Variants in LYSMD2 observed in about 807,000 individuals in gnomAD.
LYSMD2 encodes the protein lysM and putative peptidoglycan-binding domain-containing protein 2.
In LYSMD2, 6 loss-of-function variants were observed where a neutral mutation model predicts 17.7. The ratio of observed to expected loss-of-function variants is 0.34; its 90% CI spans 0.19 to 0.67. The LOEUF (loss-of-function observed/expected upper bound fraction) is 0.67. Among genes scored for constraint, LYSMD2 ranks in the 30% least tolerant of loss-of-function variants. LYSMD2 has a pLI of 0.69. For synonymous variants in LYSMD2, 102 were observed against 129.8 expected, an observed-to-expected ratio of 0.79 and a Z score of 1.45; for missense variants, 237 against 286.7, an observed-to-expected ratio of 0.83 and a Z score of 1.25.
At position 51,737,047 on chromosome 15, in the gene LYSMD2, G is replaced by C. The variant is rs1056501219; in HGVS notation, c.273+303C>G. ...CCTAGTCCTCTTCGGCCTCCCTCAC[G>C]CGACAGATCTAGTCTGAGCCTGGGC... On this transcript the variant is annotated intron_variant, in intron 1 of 2. Coordinates refer to ENST00000267838, the MANE Select transcript of LYSMD2 (RefSeq NM_153374.3). The surrounding 1 kb of genome is among the most constrained non-coding windows in gnomAD (Gnocchi z 4.2). Among the ~76,000 whole-genome samples the C allele has an allele frequency of 2.0e-5, 3 of 152,182 alleles. No individual in the cohort carries two copies. The highest frequency in any genetic ancestry group is 4.4e-5 in the Non-Finnish European group (3 of 68,020).
At chr15:51,736,839 C>T (rs1038285169) in intron 1 of LYSMD2, among the ~76,000 whole-genome samples, 1 of 152,224 alleles carries the variant, frequency 6.6e-6, no homozygotes, top group East Asian at 1.9e-4. Flanking sequence ...TTCACTTCTA[C>T]ATAAAGAAGC....
intron 1 of LYSMD2, among the ~76,000 whole-genome samples, chr15:51,749,678 T>C (rs2055686856): frequency 6.6e-6 from 1 of 152,368 alleles, no homozygotes; most frequent in South Asian, 2.1e-4. Flanking sequence ...ATATGCCTAC[T>C]ATCAGCTTTC....
At chr15:51,728,375 C>T (rs1327887369) in intron 1 of LYSMD2, among the ~76,000 whole-genome samples, 1 of 148,560 alleles carries the variant, frequency 6.7e-6, no homozygotes, top group African/African-American at 2.5e-5. Flanking sequence ...GCCGAGATCA[C>T]AACATTGTAC....
chr15:51,731,641 G>T (rs1332031654), intron 1 of LYSMD2, among the ~76,000 whole-genome samples: 1 of 152,172 alleles, frequency 6.6e-6, no homozygotes, highest in Non-Finnish European at 1.5e-5. Flanking sequence ...CAGGCAAGCT[G>T]CCTGGAGGAA....
chr15:51,748,948 C>A (rs1474428269), intron 1 of LYSMD2, among the ~76,000 whole-genome samples: 1 of 152,218 alleles, frequency 6.6e-6, no homozygotes, highest in Non-Finnish European at 1.5e-5. Context: ...TAAAATACTT[C>A]ATTATAACTG....
chr15:51,723,259 G>T lies in LYSMD2; in HGVS notation c.*348C>A. ...AGCAACCATATTTTCACATAATCAG[G>T]ATTGCATAAGGAGATAAACATTATT... is the stretch of plus-strand genomic sequence containing the variant. On this transcript the variant is annotated 3_prime_UTR_variant, in exon 3 of 3. Coordinates refer to ENST00000267838, the MANE Select transcript of LYSMD2 (RefSeq NM_153374.3). 5.1e-6 allele frequency: 1 copy of T among 197,724 alleles called. No homozygotes were observed. Among genetic ancestry groups the T allele is most frequent in the South Asian group, 8.6e-5 (1 of 11,628 alleles). 12.2% of individuals were successfully genotyped at this position (197,724 alleles called of 1,614,324 possible). A position where few individuals can be genotyped will look rare whatever the true frequency, so the allele number is the denominator to read the frequency against.
intron 1 of LYSMD2, among the ~76,000 whole-genome samples, chr15:51,749,701 G>C (rs995288755): frequency 6.6e-6 from 1 of 152,206 alleles, no homozygotes; most frequent in Non-Finnish European, 1.5e-5. Flanking sequence ...TGGGAAAACT[G>C]CTGGCTCGAT....
At chr15:51,735,692 A>T in intron 1 of LYSMD2, among the ~76,000 whole-genome samples, 1 of 152,262 alleles carries the variant, frequency 6.6e-6, no homozygotes, top group East Asian at 1.9e-4. Context: ...GATCTATATT[A>T]GACATAACAG....
Position 51,737,518 on chromosome 15 carries a change from G to A in LYSMD2, c.105C>T (p.Ser35=), listed in dbSNP as rs2055619003. ...PPPRSRSGSE[S]EEAELSLSLA... Reference sequence around the variant, plus strand: ...GGCTCAGCGACAGCTCGGCCTCCTCGGACTCGGAGCCGGAGCGCGAGCGCG... The same window carrying A: ...GGCTCAGCGACAGCTCGGCCTCCTCAGACTCGGAGCCGGAGCGCGAGCGCG... Residue 35 remains serine, a synonymous_variant, in exon 1 of 3, where the codon TCC becomes TCT. Coordinates refer to ENST00000267838, the MANE Select transcript of LYSMD2 (RefSeq NM_153374.3). This position sits in a 1 kb window ranked among gnomAD's most constrained non-coding sequence, Gnocchi z 4.2. 1.6e-6 allele frequency: 2 copies of A among 1,275,354 alleles called. No individual in the cohort carries two copies. Among genetic ancestry groups the A allele is most frequent in the Non-Finnish European group, 2.0e-6 (2 of 1,014,210 alleles). The allele number at this position is 1,275,354 out of a possible 1,614,324, so 79.0% of individuals were successfully genotyped here. A position where few individuals can be genotyped will look rare whatever the true frequency, so the allele number is the denominator to read the frequency against.
chr15:51,747,685 C>A lies in LYSMD2; in HGVS notation c.-1+3586G>T, dbSNP rs140209534. On this transcript the variant is annotated intron_variant, in intron 1 of 2. Coordinates refer to the LYSMD2 transcript ENST00000454181. The stretch of plus-strand genomic sequence containing the variant: ...GCTTTCTCTCCTTTTATTTTTCTTG[C>A]AATTTATTTATTGAAGAATCAGTTG... Among the ~76,000 whole-genome samples the A allele has an allele frequency of 5.4e-3, 817 of 152,140 alleles. 5 individuals carry two copies. Among genetic ancestry groups the A allele is most frequent in the Middle Eastern group, 0.024 (7 of 294 alleles).
intron 1 of LYSMD2, among the ~76,000 whole-genome samples, chr15:51,725,781 T>C (rs917414877): frequency 6.6e-6 from 1 of 152,114 alleles, no homozygotes; most frequent in Non-Finnish European, 1.5e-5. Context: ...GAGAAAGTAG[T>C]GATTAGAGTG....
chr15:51,724,842 A>G lies in LYSMD2; in HGVS notation c.553T>C (p.Leu185=). The G allele has an allele frequency of 3.7e-6, 6 of 1,614,066 alleles. No individual in the cohort carries two copies. Among genetic ancestry groups the G allele is most frequent in the Admixed American group, 1.7e-5 (1 of 60,004 alleles). Residue 185 remains leucine, a synonymous_variant, in exon 2 of 3, where the codon TTG becomes CTG. Transcript: ENST00000267838. ...SARDFLQRLD[L]QIKLSTQAAK... The stretch of plus-strand genomic sequence containing the variant: ...GCCTGTGTTGATAACTTAATCTGCA[A>G]GTCAAGTCTCTGCAGGAAATCTCTG...
chr15:51,747,073 G>A (rs182157689), intron 1 of LYSMD2, among the ~76,000 whole-genome samples: 113 of 146,262 alleles, frequency 7.7e-4, no homozygotes, highest in East Asian at 8.3e-4. Flanking sequence ...GGTGGCACAC[G>A]CCTGTAGTCC....
rs1027507769 is a variant in LYSMD2 at position 51,723,173 on chromosome 15, A to G, written c.*434T>C. On this transcript the variant is annotated 3_prime_UTR_variant, in exon 3 of 3. Coordinates refer to ENST00000267838, the MANE Select transcript of LYSMD2 (RefSeq NM_153374.3). ...TATTAATAGAGAATATGTAAGACAT[A>G]TCGAAATATATATATAGCACTTAAG... 2 of 154,338 alleles carry G rather than the reference A, an allele frequency of 1.3e-5. No homozygotes were observed. Among genetic ancestry groups the G allele is most frequent in the Non-Finnish European group, 2.9e-5 (2 of 69,302 alleles). The allele number at this position is 154,338 out of a possible 1,614,324, so 9.6% of individuals were successfully genotyped here.
In LYSMD2 at chr15:51,737,262, T is replaced by A. The variant is rs2055616179; in HGVS notation, c.273+88A>T. ...CCATCCCCCAAACCCCCACCCGCAGTCCCACCCCCACCCCCACCGCACCCC... is the reference window on the plus strand; with the variant it reads ...CCATCCCCCAAACCCCCACCCGCAGACCCACCCCCACCCCCACCGCACCCC... On this transcript the variant is annotated intron_variant, in intron 1 of 2. Transcript: ENST00000267838. The surrounding 1 kb of genome is among the most constrained non-coding windows in gnomAD (Gnocchi z 4.2). The A allele has an allele frequency of 7.5e-6, 1 of 134,038 alleles. No homozygotes were observed. The highest frequency in any genetic ancestry group is 1.4e-5 in the Non-Finnish European group (1 of 70,572). 8.3% of individuals were successfully genotyped at this position (134,038 alleles called of 1,614,324 possible). A position where few individuals can be genotyped will look rare whatever the true frequency, so the allele number is the denominator to read the frequency against.
chr15:51,751,394 C>T (rs1230182370), exon 1 of LYSMD2: 2 of 701,564 alleles, frequency 2.9e-6, no homozygotes, highest in African/African-American at 3.5e-5. Flanking sequence ...AGAGCCTGCC[C>T]AGGCTTCTCC....
At chr15:51,747,956 T>C (rs1291872146) in intron 1 of LYSMD2, among the ~76,000 whole-genome samples, 1 of 152,136 alleles carries the variant, frequency 6.6e-6, no homozygotes, top group African/African-American at 2.4e-5. Context: ...CCCCATGTGG[T>C]AAGTATTATT....
At chr15:51,728,844 T>C (rs1338008514) in intron 1 of LYSMD2, among the ~76,000 whole-genome samples, 1 of 151,196 alleles carries the variant, frequency 6.6e-6, no homozygotes, top group African/African-American at 2.4e-5. Flanking sequence ...TACTCCACCC[T>C]GGGTGACAGA....
chr15:51,729,904 A>G (rs960462066), intron 1 of LYSMD2, among the ~76,000 whole-genome samples: 3 of 152,204 alleles, frequency 2.0e-5, no homozygotes, highest in Non-Finnish European at 2.9e-5. Flanking sequence ...CCTCTGTTCA[A>G]CACTTCCTAA....
Sources: gnomAD v4.1 joint callset for allele counts (sites outside exome capture counted in the v4.1 genomes callset) on GRCh38, gnomAD v4.1.1 for gene constraint, Gnocchi (gnomAD v3.1) non-coding constraint, MANE v1.5 for transcripts, NCBI Gene and HGNC (gene_info 2026-07-23, HGNC 2026-07-21) for gene names.